The following CPNE2 variants were observed in gnomAD, a reference collection of about 807,000 sequenced individuals.
CPNE2 encodes copine 2, also known as copine-2.
Under a neutral mutation model 69.7 loss-of-function variants are expected in CPNE2, and 42 were observed. That is an observed-to-expected ratio of 0.60 (90% CI 0.47 to 0.78). CPNE2 has a LOEUF of 0.78. Among genes scored for constraint, CPNE2 ranks in the 30% least tolerant of loss-of-function variants. The probability of loss-of-function intolerance (pLI) is 0.00; values close to 1 mark genes in which losing one functional copy is unlikely to be tolerated. For missense variants in CPNE2, 587 were observed against 732.0 expected, an observed-to-expected ratio of 0.80 and a Z score of 2.29; for synonymous variants, 294 against 289.8, an observed-to-expected ratio of 1.01 and a Z score of -0.15.
intron 2 of CPNE2, among the ~76,000 whole-genome samples, chr16:57,112,199 CAG>C (rs1224089857): frequency 6.6e-6 from 1 of 152,112 alleles, no homozygotes; most frequent in African/African-American, 2.4e-5. Flanking sequence ...GAGGGGGAAA[CAG>C]GGGCCCCAGA....
chr16:57,118,816 CAATAA>C (rs2069739861), intron 5 of CPNE2, among the ~76,000 whole-genome samples: 3 of 152,128 alleles, frequency 2.0e-5, no homozygotes, highest in African/African-American at 7.2e-5. Context: ...TTCACATTCC[CAATAA>C]AATAAACTGA....
At position 57,121,120 on chromosome 16, in the gene CPNE2, G is replaced by A. The variant is rs1467832560; in HGVS notation, c.709G>A (p.Gly237Arg). Residue 237 changes from glycine to arginine, a missense_variant, in exon 8 of 16, where the codon GGG becomes AGG. This residue lies in a region of CPNE2 where 269 missense variants were observed against 300.5 expected (regional missense o/e 0.90). Coordinates refer to ENST00000290776, the MANE Select transcript of CPNE2 (RefSeq NM_152727.6). ...QVMCYDYDND[G>R]GHDFIGEFQT... ...CATGTGCTACGACTATGACAATGAC[G>A]GGGGCCATGACTTCATCGGCGAGTT... 5 of 1,613,872 alleles carry A rather than the reference G, an allele frequency of 3.1e-6. No individual in the cohort carries two copies. The highest frequency in any genetic ancestry group is 3.4e-6 in the Non-Finnish European group (4 of 1,179,870).
At chr16:57,111,753 A>T (rs1370630929) in intron 2 of CPNE2, among the ~76,000 whole-genome samples, 1 of 152,128 alleles carries the variant, frequency 6.6e-6, no homozygotes, top group Non-Finnish European at 1.5e-5. Context: ...ATCTGGGGAT[A>T]TTAATGGTGC....
At chr16:57,110,960 T>C (rs753027774) in intron 2 of CPNE2, 38 bp downstream of exon 2, 5 of 1,567,660 alleles carry the variant, frequency 3.2e-6, no homozygotes, top group South Asian at 2.3e-5. Flanking sequence ...GGTAAGGGGG[T>C]GGCTAGGCTG....
chr16:57,111,369 G>A (rs2069681016), intron 2 of CPNE2, among the ~76,000 whole-genome samples: 1 of 151,934 alleles, frequency 6.6e-6, no homozygotes, highest in African/African-American at 2.4e-5. Context: ...AGAGACATGG[G>A]TTTTCGCCAT....
At position 57,092,969 on chromosome 16, in the gene CPNE2, T is replaced by A. The variant is rs552036846; in HGVS notation, c.-36+179T>A. ...GACTCCGGCGCTTCGGTGACTCAGC[T>A]CCGACCCGGCCACGCGGGGGCGCCC... On this transcript the variant is annotated intron_variant, in intron 1 of 15. Coordinates refer to ENST00000290776, the MANE Select transcript of CPNE2 (RefSeq NM_152727.6). This position sits in a 1 kb window ranked among gnomAD's most constrained non-coding sequence, Gnocchi z 5.3. 1.3e-5 allele frequency among the ~76,000 whole-genome samples: 2 copies of A among 151,988 alleles called. No individual in the cohort carries two copies. The highest frequency in any genetic ancestry group is 2.1e-4 in the South Asian group (1 of 4,816).
chr16:57,136,058 GAAAA>G (rs1409134102), intron 13 of CPNE2, among the ~76,000 whole-genome samples: 1 of 150,800 alleles, frequency 6.6e-6, no homozygotes, highest in African/African-American at 2.4e-5. Flanking sequence ...AAGAAAGAAA[GAAAA>G]AGGAAGATGA....
intron 2 of CPNE2, chr16:57,112,787 C>G (rs2069690021): frequency 6.5e-6 from 1 of 153,312 alleles, no homozygotes; most frequent in African/African-American, 2.4e-5. Context: ...CCCACCTCCC[C>G]CGAAGAATCC....
At chr16:57,101,394 A>T (rs56335889) in intron 1 of CPNE2, among the ~76,000 whole-genome samples, 16 of 151,898 alleles carry the variant, frequency 1.1e-4, no homozygotes, top group African/African-American at 3.9e-4. Context: ...ATACGTTCCA[A>T]CCCCCCAAAA....
chr16:57,137,222 C>T lies in CPNE2; in HGVS notation c.1242C>T (p.Ser414=). Residue 414 remains serine (S), a synonymous_variant, in exon 14 of 16, where the codon TCC becomes TCT. Transcript: ENST00000290776. ...GCTTCTACGGTCCTACCAATTTCTC[C>T]CCCATCGTCAACCACGTGGCCCGGT... ...HIRFYGPTNF[S]PIVNHVARFA... 6.2e-7 allele frequency: 1 copy of T among 1,614,270 alleles called. No individual in the cohort carries two copies. The highest frequency in any genetic ancestry group is 8.5e-7 in the Non-Finnish European group (1 of 1,180,044).
intron 1 of CPNE2, among the ~76,000 whole-genome samples, chr16:57,104,888 A>C (rs2069638550): frequency 6.6e-6 from 1 of 152,180 alleles, no homozygotes; most frequent in East Asian, 1.9e-4. Context: ...GCCTGACAGC[A>C]AAGGGAGGCC....
intron 1 of CPNE2, among the ~76,000 whole-genome samples, chr16:57,102,607 T>A (rs1168427632): frequency 6.8e-6 from 1 of 146,688 alleles, no homozygotes; most frequent in African/African-American, 2.5e-5. Context: ...TTATTTCTCT[T>A]TTTTTTTTTT....
intron 13 of CPNE2, among the ~76,000 whole-genome samples, chr16:57,136,087 G>A (rs1185825007): frequency 6.6e-6 from 1 of 151,296 alleles, no homozygotes; most frequent in Non-Finnish European, 1.5e-5. Context: ...AGGAAGGGAG[G>A]GATGGAGGAA....
In CPNE2 at chr16:57,110,847, A is replaced by G. The variant is rs1318847788; in HGVS notation, c.105A>G (p.Leu35=). ...AGCTGTCAGTGAGTGGCCAGAACCT[A>G]CTGGACCGGGATGTTACCTCCAAGT... is the stretch of plus-strand genomic sequence containing the variant. ...KVELSVSGQN[L]LDRDVTSKSD... The change falls in exon 2 of 16, where the codon CTA becomes CTG. Residue 35 remains leucine, a synonymous_variant. Transcript: ENST00000290776. 2.5e-6 allele frequency: 4 copies of G among 1,613,944 alleles called. No homozygotes were observed. Among genetic ancestry groups the G allele is most frequent in the East Asian group, 2.2e-5 (1 of 44,854 alleles).
intron 6 of CPNE2, 137 bp downstream of exon 6, chr16:57,119,415 C>T (rs2069744552): frequency 1.8e-6 from 2 of 1,119,074 alleles, no homozygotes; most frequent in Admixed American, 3.9e-5. Context: ...GGATATGCTT[C>T]CTCCCAGCCA....
intron 5 of CPNE2, among the ~76,000 whole-genome samples, chr16:57,118,539 A>C (rs113063439): frequency 6.6e-6 from 1 of 151,960 alleles, no homozygotes; most frequent in Non-Finnish European, 1.5e-5. Context: ...AACAGTTGCC[A>C]GGTGCAGCGG....
At chr16:57,102,088 C>T (rs1361511040) in intron 1 of CPNE2, among the ~76,000 whole-genome samples, 1 of 151,952 alleles carries the variant, frequency 6.6e-6, no homozygotes, top group African/African-American at 2.4e-5. Context: ...CCTGGGACTA[C>T]AGGCACATGC....
chr16:57,108,733 C>T (rs1214037685), intron 1 of CPNE2, among the ~76,000 whole-genome samples: 4 of 152,214 alleles, frequency 2.6e-5, no homozygotes, highest in Admixed American at 6.5e-5. Flanking sequence ...TGGGTTGCTC[C>T]AGTCTCACTC....
At chr16:57,097,832 C>T (rs1343077373) in intron 1 of CPNE2, among the ~76,000 whole-genome samples, 1 of 152,232 alleles carries the variant, frequency 6.6e-6, no homozygotes, top group Non-Finnish European at 1.5e-5. Flanking sequence ...TGGCCAGATC[C>T]ACTCCCAAGG....
Sources: allele counts gnomAD v4.1 joint callset (sites outside exome capture counted in the v4.1 genomes callset), GRCh38; gene constraint gnomAD v4.1.1; regional missense constraint gnomAD v4.1.1; non-coding constraint Gnocchi (gnomAD v3.1); transcripts MANE v1.5; gene names NCBI Gene and HGNC (gene_info 2026-07-23, HGNC 2026-07-21).